KCNE3: variants seen among roughly 807,000 people sequenced by gnomAD.
The protein encoded by KCNE3 is potassium voltage-gated channel subfamily E regulatory subunit 3.
Under a neutral mutation model 4.3 loss-of-function variants are expected in KCNE3, and 2 were observed. The observed-to-expected ratio is 0.47, with a 90% CI of 0.19 to 1.48. The LOEUF (loss-of-function observed/expected upper bound fraction) is 1.48. Ranked by LOEUF, KCNE3 falls within the 40% of genes most tolerant of loss-of-function variation. The pLI, the probability that KCNE3 is intolerant of heterozygous loss-of-function variation, is 0.25. For synonymous variants in KCNE3, 47 were observed against 52.0 expected (o/e 0.90, Z 0.41); for missense variants, 128 against 136.8 (o/e 0.94, Z 0.32).
intron 2 of KCNE3, among the ~76,000 whole-genome samples, chr11:74,461,151 A>G (rs1463578262): frequency 1.3e-5 from 2 of 152,158 alleles, no homozygotes; most frequent in Non-Finnish European, 2.9e-5. Context: ...AGACATTATC[A>G]TGGAGTTGTT....
Position 74,467,102 on chromosome 11 carries a change from C to G in KCNE3, c.-190+296G>C, listed in dbSNP as rs1353776221. 6.6e-6 allele frequency among the ~76,000 whole-genome samples: 1 copy of G among 152,192 alleles called. No individual in the cohort carries two copies. Among genetic ancestry groups the G allele is most frequent in the Non-Finnish European group, 1.5e-5 (1 of 68,026 alleles). On this transcript the variant is annotated intron_variant, in intron 1 of 2. Transcript: ENST00000310128. This position sits in a 1 kb window ranked among gnomAD's most constrained non-coding sequence, Gnocchi z 4.4. ...CGTCTGTGGGTGTGGAGGAACTTTT[C>G]TTGTGGCCGTCTTGAGGGCTGGGAA...
intron 2 of KCNE3, among the ~76,000 whole-genome samples, chr11:74,461,198 G>T (rs1346726618): frequency 6.6e-6 from 1 of 152,098 alleles, no homozygotes; most frequent in East Asian, 1.9e-4. Flanking sequence ...TACAAGATGA[G>T]GAGATTCTGG....
rs755009687 is a variant in KCNE3, at chr11:74,455,173, T to C, written c.*2079A>G. 2 of 152,232 alleles carry C rather than the reference T, an allele frequency of 1.3e-5. No homozygotes were observed. The highest frequency in any genetic ancestry group is 6.5e-5 in the Admixed American group (1 of 15,288). 9.4% of individuals were successfully genotyped at this position (152,232 alleles called of 1,614,324 possible). On this transcript the variant is annotated 3_prime_UTR_variant, in exon 3 of 3. Transcript: ENST00000310128. Reference sequence around the variant, plus strand: ...ACGGTCAAGTCAGTCAAATATTACATAAATTTATCATGCGGAAAGGGAAAA... The same window carrying C: ...ACGGTCAAGTCAGTCAAATATTACACAAATTTATCATGCGGAAAGGGAAAA...
rs1199297943 is a variant in KCNE3 at position 74,467,239 on chromosome 11, G to A, written c.-190+159C>T. 6.6e-6 allele frequency among the ~76,000 whole-genome samples: 1 copy of A among 151,984 alleles called. No individual in the cohort carries two copies. The highest frequency in any genetic ancestry group is 1.5e-5 in the Non-Finnish European group (1 of 67,972). ...CGGGAGGATCGGGGAGGATCCGGGA[G>A]GACTAGCTTGGTATTTGCAGCGCCC... On this transcript the variant is annotated intron_variant, in intron 1 of 2. Coordinates refer to ENST00000310128, the MANE Select transcript of KCNE3 (RefSeq NM_005472.5). This position sits in a 1 kb window ranked among gnomAD's most constrained non-coding sequence, Gnocchi z 4.4.
intron 2 of KCNE3, among the ~76,000 whole-genome samples, chr11:74,459,423 G>C (rs1024175261): frequency 6.6e-6 from 1 of 151,884 alleles, no homozygotes; most frequent in Non-Finnish European, 1.5e-5. Flanking sequence ...CATCACGCCA[G>C]GCTAATTTTT....
At position 74,457,169 on chromosome 11, in the gene KCNE3, T is replaced by A; in HGVS notation, c.*83A>T. On this transcript the variant is annotated 3_prime_UTR_variant, in exon 3 of 3. Transcript: ENST00000310128. Reference sequence around the variant, plus strand: ...TCTTACAGATAGGGACACTGAGACCTGATGCAGTCCACAGCAGAGTTCTGG... The same window carrying A: ...TCTTACAGATAGGGACACTGAGACCAGATGCAGTCCACAGCAGAGTTCTGG... The A allele has an allele frequency of 7.7e-7, 1 of 1,300,034 alleles. No homozygotes were observed. The highest frequency in any genetic ancestry group is 1.2e-5 in the South Asian group (1 of 80,090). The allele number at this position is 1,300,034 out of a possible 1,614,324, so 80.5% of individuals were successfully genotyped here.
rs1288473681 is a variant in KCNE3, at chr11:74,467,185, C to A, written c.-190+213G>T. ...GGCGCGCAGAGCCCAGCTCCCTACT[C>A]CCACATGCTGCTCCACGATCACTGC... is the stretch of plus-strand genomic sequence containing the variant. On this transcript the variant is annotated intron_variant, in intron 1 of 2. Transcript: ENST00000310128. The surrounding 1 kb of genome is among the most constrained non-coding windows in gnomAD (Gnocchi z 4.4). Among the ~76,000 whole-genome samples, 1 of 152,170 alleles carries A rather than the reference C, an allele frequency of 6.6e-6. No individual in the cohort carries two copies. The highest frequency in any genetic ancestry group is 1.5e-5 in the Non-Finnish European group (1 of 68,034).
In KCNE3 at chr11:74,456,496, C is replaced by T. The variant is rs1366390777; in HGVS notation, c.*756G>A. The T allele has an allele frequency of 6.6e-6, 1 of 152,088 alleles. No individual in the cohort carries two copies. The highest frequency in any genetic ancestry group is 2.4e-5 in the African/African-American group (1 of 41,384). The allele number at this position is 152,088 out of a possible 1,614,324, so 9.4% of individuals were successfully genotyped here. A position where few individuals can be genotyped will look rare whatever the true frequency, so the allele number is the denominator to read the frequency against. On this transcript the variant is annotated 3_prime_UTR_variant, in exon 3 of 3. Coordinates refer to ENST00000310128, the MANE Select transcript of KCNE3 (RefSeq NM_005472.5). The stretch of plus-strand genomic sequence containing the variant: ...CATATGAACCATAGAGCTAACGAGG[C>T]CTAACATTCAGGGTCCTGACTCACA...
At position 74,461,945 on chromosome 11, in the gene KCNE3, G is replaced by C. The variant is rs1235662251; in HGVS notation, c.-41+10C>G. On this transcript the variant is annotated intron_variant, in intron 2 of 2. Coordinates refer to ENST00000310128, the MANE Select transcript of KCNE3 (RefSeq NM_005472.5). ...GGAGAGGGAGGGAAATCTCAATCTGGAAGACTCACCAGACTGCTGGCAAAT... is the reference window on the plus strand; with the variant it reads ...GGAGAGGGAGGGAAATCTCAATCTGCAAGACTCACCAGACTGCTGGCAAAT... 1.3e-5 allele frequency: 2 copies of C among 152,156 alleles called. No individual in the cohort carries two copies. Among genetic ancestry groups the C allele is most frequent in the African/African-American group, 2.4e-5 (1 of 41,412 alleles). 9.4% of individuals were successfully genotyped at this position (152,156 alleles called of 1,614,324 possible). A position where few individuals can be genotyped will look rare whatever the true frequency, so the allele number is the denominator to read the frequency against.
At position 74,455,044 on chromosome 11, in the gene KCNE3, C is replaced by G. The variant is rs566273812; in HGVS notation, c.*2208G>C. 2.6e-5 allele frequency: 4 copies of G among 152,332 alleles called. No individual in the cohort carries two copies. The East Asian group carries it at 7.7e-4, about 29-fold the overall frequency. 9.4% of individuals were successfully genotyped at this position (152,332 alleles called of 1,614,324 possible). ...GCATCAACATAACTGCATATGGCAG[C>G]AAATGTGTTCCATGATCCTCCATTC... is the stretch of plus-strand genomic sequence containing the variant. On this transcript the variant is annotated 3_prime_UTR_variant, in exon 3 of 3. Coordinates refer to ENST00000310128, the MANE Select transcript of KCNE3 (RefSeq NM_005472.5).
chr11:74,465,569 G>A (rs1476587067), intron 1 of KCNE3, among the ~76,000 whole-genome samples: 17 of 152,062 alleles, frequency 1.1e-4, no homozygotes, highest in Admixed American at 1.0e-3. Flanking sequence ...TACCCAGGGT[G>A]TGGCCACATA....
intron 2 of KCNE3, among the ~76,000 whole-genome samples, chr11:74,461,289 G>A: frequency 9.1e-6 from 1 of 109,298 alleles, no homozygotes; most frequent in South Asian, 3.6e-4. Flanking sequence ...ATATTTTTAT[G>A]TTTTGTGTGT....
chr11:74,463,659 T>G lies in KCNE3; in HGVS notation c.-189-1556A>C, dbSNP rs115866069. Among the ~76,000 whole-genome samples the G allele has an allele frequency of 1.2e-3, 186 of 152,238 alleles. 1 individual carries two copies. Among genetic ancestry groups the G allele is most frequent in the African/African-American group, 4.3e-3 (179 of 41,530 alleles). The stretch of plus-strand genomic sequence containing the variant: ...AGCAGATGGCCAAGCTGAGAGGGAC[T>G]TTAAGGATCATCTAGAATCTAGATT... On this transcript the variant is annotated intron_variant, in intron 1 of 2. Transcript: ENST00000310128.
At position 74,455,654 on chromosome 11, in the gene KCNE3, C is replaced by T. The variant is rs1863792413; in HGVS notation, c.*1598G>A. 1 of 152,146 alleles carries T rather than the reference C, an allele frequency of 6.6e-6. No individual in the cohort carries two copies. Among genetic ancestry groups the T allele is most frequent in the South Asian group, 2.1e-4 (1 of 4,822 alleles). 9.4% of individuals were successfully genotyped at this position (152,146 alleles called of 1,614,324 possible). ...AGGGCTGCTTCTCTTCCTACTGGAC[C>T]ATGTACCTGTCTCTCATACTCTGCT... On this transcript the variant is annotated 3_prime_UTR_variant, in exon 3 of 3. Coordinates refer to ENST00000310128, the MANE Select transcript of KCNE3 (RefSeq NM_005472.5).
At chr11:74,463,581 C>T (rs1038850812) in intron 1 of KCNE3, among the ~76,000 whole-genome samples, 2 of 152,176 alleles carry the variant, frequency 1.3e-5, no homozygotes, top group South Asian at 2.1e-4. Flanking sequence ...GAGCTCCTGC[C>T]CTGGAGAGGT....
At chr11:74,464,593 T>C (rs941496837) in intron 1 of KCNE3, among the ~76,000 whole-genome samples, 3 of 152,108 alleles carry the variant, frequency 2.0e-5, no homozygotes, top group African/African-American at 7.2e-5. Context: ...AGTGGGAAAA[T>C]AGACCCTCCT....
intron 2 of KCNE3, among the ~76,000 whole-genome samples, chr11:74,459,466 G>A (rs554812659): frequency 6.6e-5 from 10 of 152,098 alleles, no homozygotes; most frequent in African/African-American, 9.6e-5. Flanking sequence ...GTTTCACCAT[G>A]TTAGCCAGGA....
chr11:74,464,723 T>G (rs182570267), intron 1 of KCNE3, among the ~76,000 whole-genome samples: 3 of 152,298 alleles, frequency 2.0e-5, no homozygotes, highest in Non-Finnish European at 4.4e-5. Flanking sequence ...CTTCTGCCAG[T>G]AGGGCAGACT....
chr11:74,454,895 C>G lies in KCNE3; in HGVS notation c.*2357G>C, dbSNP rs1326539353. 6.6e-6 allele frequency: 1 copy of G among 152,158 alleles called. No homozygotes were observed. The highest frequency in any genetic ancestry group is 1.5e-5 in the Non-Finnish European group (1 of 68,034). 9.4% of individuals were successfully genotyped at this position (152,158 alleles called of 1,614,324 possible). On this transcript the variant is annotated 3_prime_UTR_variant, in exon 3 of 3. Transcript: ENST00000310128. Reference sequence around the variant, plus strand: ...GGCTGGGTGGTGTCTAAAGTCCTATCCACGTAAATTTCTGAATCTGTTGTC... The same window carrying G: ...GGCTGGGTGGTGTCTAAAGTCCTATGCACGTAAATTTCTGAATCTGTTGTC...
Sources: gnomAD v4.1 joint callset for allele counts (sites outside exome capture counted in the v4.1 genomes callset) on GRCh38, gnomAD v4.1.1 for gene constraint, Gnocchi (gnomAD v3.1) non-coding constraint, MANE v1.5 for transcripts, NCBI Gene and HGNC (gene_info 2026-07-23, HGNC 2026-07-21) for gene names.